CA10: variants seen among roughly 807,000 people sequenced by gnomAD.
CA10 encodes carbonic anhydrase-related protein 10.
CA10 carries 14 observed loss-of-function variants against 44.2 expected under a neutral mutation model. The observed-to-expected ratio is 0.32, with a 90% CI of 0.21 to 0.50. CA10 has a LOEUF of 0.50. Among genes scored for constraint, CA10 ranks in the 20% least tolerant of loss-of-function variants. CA10 has a pLI of 0.99. For synonymous variants in CA10, 159 were observed against 141.6 expected (o/e 1.12, Z -0.87); for missense variants, 350 against 409.7 (o/e 0.85, Z 1.26).
chr17:51,717,829 G>GTATATATATATATA (rs55932655), intron 4 of CA10, among the ~76,000 whole-genome samples: 1 of 7,920 alleles, frequency 1.3e-4, no homozygotes, highest in African/African-American at 3.4e-4. Flanking sequence ...ATATGTGTGT[G>GTATATATATATATA]TATATATATA....
intron 1 of CA10, among the ~76,000 whole-genome samples, chr17:52,088,753 TATAA>T (rs544764355): frequency 4.6e-5 from 7 of 152,178 alleles, no homozygotes; most frequent in Admixed American, 6.5e-5. Flanking sequence ...GTGTTTTTGT[TATAA>T]ATGTTACATG....
At chr17:51,726,066 A>G (rs1390429210) in intron 4 of CA10, among the ~76,000 whole-genome samples, 2 of 152,224 alleles carry the variant, frequency 1.3e-5, no homozygotes, top group Non-Finnish European at 1.5e-5. Context: ...GAATCTTGAA[A>G]GAGAAGTAGG....
At chr17:51,732,917 G>C (rs1916771570) in intron 4 of CA10, among the ~76,000 whole-genome samples, 1 of 152,174 alleles carries the variant, frequency 6.6e-6, no homozygotes, top group African/African-American at 2.4e-5. Context: ...ATGGGCAATG[G>C]AGTAGGAGTG....
intron 4 of CA10, among the ~76,000 whole-genome samples, chr17:51,658,212 C>T (rs1913870606): frequency 6.6e-6 from 1 of 152,138 alleles, no homozygotes; most frequent in African/African-American, 2.4e-5. Context: ...AGAAAGGCCA[C>T]CTCACCTCAA....
At chr17:51,736,639 G>C (rs1216139078) in intron 4 of CA10, among the ~76,000 whole-genome samples, 2 of 152,214 alleles carry the variant, frequency 1.3e-5, no homozygotes, top group South Asian at 2.1e-4. Flanking sequence ...TCCAAAGCAA[G>C]ATGACGAATT....
intron 3 of CA10, among the ~76,000 whole-genome samples, chr17:51,926,279 T>A (rs192230129): frequency 1.1e-4 from 17 of 152,264 alleles, no homozygotes; most frequent in African/African-American, 3.8e-4. Context: ...CTGCTATGAA[T>A]CTGTGATTAG....
chr17:51,849,201 A>T (rs1468855717), intron 3 of CA10, among the ~76,000 whole-genome samples: 1 of 47,020 alleles, frequency 2.1e-5, no homozygotes, highest in Admixed American at 2.3e-4. Context: ...ATATATACAT[A>T]TATGTATATA....
chr17:52,035,419 A>C (rs1598178283), intron 2 of CA10, among the ~76,000 whole-genome samples: 1 of 152,188 alleles, frequency 6.6e-6, no homozygotes, highest in East Asian at 1.9e-4. Flanking sequence ...AATCTCCTGC[A>C]TTTACCATTC....
chr17:51,756,812 A>T (rs1266706765), intron 3 of CA10, among the ~76,000 whole-genome samples: 1 of 152,136 alleles, frequency 6.6e-6, no homozygotes, highest in Non-Finnish European at 1.5e-5. Context: ...TTCTGGGGTT[A>T]GGGATCAATT....
chr17:51,651,427 A>G (rs1470774764), intron 5 of CA10, among the ~76,000 whole-genome samples: 1 of 152,212 alleles, frequency 6.6e-6, no homozygotes, highest in Non-Finnish European at 1.5e-5. Flanking sequence ...GTTGTGGCTT[A>G]TTTTGAGATC....
At chr17:51,717,531 A>G (rs1372137289) in intron 4 of CA10, among the ~76,000 whole-genome samples, 1,302 of 6,180 alleles carry the variant, frequency 0.21, 12 homozygotes, top group African/African-American at 0.29. Context: ...AGAAACTGGT[A>G]TATATATATA....
chr17:51,735,483 G>A (rs746370855), intron 4 of CA10, among the ~76,000 whole-genome samples: 1 of 152,000 alleles, frequency 6.6e-6, no homozygotes, highest in East Asian at 1.9e-4. Flanking sequence ...CCTCAGCATC[G>A]CGAGATATAC....
intron 4 of CA10, among the ~76,000 whole-genome samples, chr17:51,708,043 G>A (rs774484226): frequency 6.6e-6 from 1 of 152,186 alleles, no homozygotes; most frequent in South Asian, 2.1e-4. Flanking sequence ...CACTAAAAGT[G>A]GAAGAAAATC....
At chr17:51,819,153 G>C (rs1342991953) in intron 3 of CA10, among the ~76,000 whole-genome samples, 1 of 152,180 alleles carries the variant, frequency 6.6e-6, no homozygotes, top group Non-Finnish European at 1.5e-5. Context: ...TAGGTCTCTT[G>C]CTTGGAATTA....
chr17:51,699,468 A>G (rs755735704), intron 4 of CA10, among the ~76,000 whole-genome samples: 1 of 152,190 alleles, frequency 6.6e-6, no homozygotes, highest in Non-Finnish European at 1.5e-5. Context: ...AGACACACAC[A>G]GCCCCCAGGC....
intron 3 of CA10, among the ~76,000 whole-genome samples, chr17:51,898,947 T>A (rs1035159051): frequency 7.9e-5 from 12 of 152,130 alleles, no homozygotes; most frequent in African/African-American, 2.9e-4. Context: ...TTTTTTTTCT[T>A]TATTAGTCTA....
chr17:52,110,819 T>C (rs1988774218), intron 1 of CA10, among the ~76,000 whole-genome samples: 2 of 152,110 alleles, frequency 1.3e-5, no homozygotes, highest in African/African-American at 4.8e-5. Flanking sequence ...GGACGTATCC[T>C]CCATGGCCAA....
At chr17:51,907,109 T>C (rs1418304983) in intron 3 of CA10, among the ~76,000 whole-genome samples, 3 of 152,196 alleles carry the variant, frequency 2.0e-5, no homozygotes, top group East Asian at 1.9e-4. Flanking sequence ...CCATAGCCTA[T>C]GTGGCTCTTG....
At chr17:51,766,040 G>A (rs1033411539) in intron 3 of CA10, among the ~76,000 whole-genome samples, 3 of 152,092 alleles carry the variant, frequency 2.0e-5, no homozygotes, top group African/African-American at 2.4e-5. Context: ...AAGGGTTCAG[G>A]AATGCTCGGA....
Sources: allele counts gnomAD v4.1 joint callset (sites outside exome capture counted in the v4.1 genomes callset), GRCh38; gene constraint gnomAD v4.1.1; transcripts MANE v1.5; gene names NCBI Gene and HGNC (gene_info 2026-07-23, HGNC 2026-07-21).